The following SPRTN variants were observed in gnomAD, a reference collection of about 807,000 sequenced individuals.
SPRTN encodes the protein SprT-like N-terminal domain.
A neutral mutation model predicts 31.9 loss-of-function variants in SPRTN; 11 were observed. The ratio of observed to expected loss-of-function variants is 0.34; its 90% CI spans 0.22 to 0.57. The LOEUF is 0.57. Ranked by LOEUF, SPRTN falls within the 20% of genes least tolerant of loss-of-function variation. The pLI is 0.86. For synonymous variants in SPRTN, 185 were observed against 212.1 expected (o/e 0.87, Z 1.11); for missense variants, 482 against 590.1 (o/e 0.82, Z 1.90).
At chr1:231,339,599 C>T (rs1280910625) in intron 1 of SPRTN, 170 bp from the exon 2 acceptor site, 3 of 799,466 alleles carry the variant, frequency 3.8e-6, no homozygotes, top group Admixed American at 2.1e-5. Context: ...GAGGCGCCCG[C>T]GGGGGTTGTA....
rs569797385 is a variant in SPRTN, at chr1:231,338,692, C to T, written c.221+88C>T. The stretch of plus-strand genomic sequence containing the variant: ...CTGGTTTTCTCTCCTTTCTCTAGTC[C>T]GACGGTCCCAGGGGGCGTTAAATGA... On this transcript the variant is annotated intron_variant, in intron 1 of 4. Transcript: ENST00000295050. 7.0e-5 allele frequency: 106 copies of T among 1,511,280 alleles called. 1 individual carries two copies. The South Asian group carries it at 1.1e-3, about 15-fold the overall frequency. The allele number at this position is 1,511,280 out of a possible 1,614,324, so 93.6% of individuals were successfully genotyped here.
chr1:231,351,281 C>T (rs762868924), intron 3 of SPRTN, 23 bp from the exon 4 acceptor site: 4 of 1,421,688 alleles, frequency 2.8e-6, no homozygotes, highest in Non-Finnish European at 3.7e-6. Flanking sequence ...TTATTGAATA[C>T]TAAAAATTCT....
At position 231,353,212 on chromosome 1, in the gene SPRTN, G is replaced by A; in HGVS notation, c.1321G>A (p.Ala441Thr). The A allele has an allele frequency of 6.2e-7, 1 of 1,614,082 alleles. No homozygotes were observed. Among genetic ancestry groups the A allele is most frequent in the South Asian group, 1.1e-5 (1 of 91,066 alleles). The change falls in exon 5 of 5, where the codon GCT becomes ACT. Residue 441 changes from alanine (A) to threonine (T), a missense_variant. Around this residue, in one of 2 missense-constraint regions of SPRTN, gnomAD observed 325 missense variants for 350.2 expected, o/e 0.93. Transcript: ENST00000295050. Reference sequence around the variant, plus strand: ...TGATCCAAAGTATAGTACAACCACAGCTCAGAATTCCAGCAGTTCATCCAG... The same window carrying A: ...TGATCCAAAGTATAGTACAACCACAACTCAGAATTCCAGCAGTTCATCCAG... The part of the protein sequence containing the change: ...GNDPKYSTTT[A>T]QNSSSSSSQS...
intron 2 of SPRTN, among the ~76,000 whole-genome samples, chr1:231,342,474 A>G (rs914801478): frequency 1.3e-5 from 2 of 152,076 alleles, no homozygotes; most frequent in African/African-American, 2.4e-5. Context: ...CTTGTTGCCC[A>G]GGCTGGAGTG....
intron 2 of SPRTN, among the ~76,000 whole-genome samples, chr1:231,345,127 CTTTCTTTCTTTG>C (rs1687014688): frequency 6.6e-6 from 1 of 150,458 alleles, no homozygotes; most frequent in Non-Finnish European, 1.5e-5. Context: ...TCTTTTCTTT[CTTTCTTTCTTTG>C]TTTCTTTCTT....
chr1:231,342,165 C>T (rs555836470), intron 2 of SPRTN, among the ~76,000 whole-genome samples: 1 of 152,192 alleles, frequency 6.6e-6, no homozygotes, highest in Non-Finnish European at 1.5e-5. Context: ...AGTTGAACAG[C>T]ATGATTAACC....
chr1:231,347,409 G>A (rs1687091926), intron 2 of SPRTN, among the ~76,000 whole-genome samples: 1 of 152,046 alleles, frequency 6.6e-6, no homozygotes, highest in South Asian at 2.1e-4. Context: ...CCCCAGGCTG[G>A]AGTGCAGTGG....
intron 2 of SPRTN, 77 bp downstream of exon 2, chr1:231,339,945 G>T: frequency 7.2e-7 from 1 of 1,392,868 alleles, no homozygotes; most frequent in African/African-American, 1.4e-5. Flanking sequence ...CTGTGAATTC[G>T]CCTGTATGTA....
In SPRTN at chr1:231,338,485, G is replaced by C; in HGVS notation, c.102G>C (p.Ala34=). ...AGGAGTCCCTGTCGCTAGTGGACGC[G>C]TCGTGGGAGTTGGTGGACCCCACAC... is the stretch of plus-strand genomic sequence containing the variant. ...HAQESLSLVD[A]SWELVDPTPD... Residue 34 remains alanine, a synonymous_variant, in exon 1 of 5, where the codon GCG becomes GCC. Transcript: ENST00000295050. 6.2e-7 allele frequency: 1 copy of C among 1,614,264 alleles called. No homozygotes were observed.
chr1:231,351,857 C>T (rs147771162), intron 4 of SPRTN: 2 of 1,057,404 alleles, frequency 1.9e-6, no homozygotes, highest in African/African-American at 3.4e-5. Flanking sequence ...AAAATTCAAT[C>T]TCTGATAATA....
intron 2 of SPRTN, 78 bp from the exon 3 acceptor site, chr1:231,347,719 C>A: frequency 6.7e-7 from 1 of 1,489,352 alleles, no homozygotes; most frequent in Non-Finnish European, 9.0e-7. Flanking sequence ...AGGTTAGACA[C>A]CAGATAGAAT....
At chr1:231,340,047 T>TA (rs3071954) in intron 2 of SPRTN, 179 bp downstream of exon 2, 28,199 of 290,514 alleles carry the variant, frequency 0.097, 162 homozygotes, top group South Asian at 0.13. Flanking sequence ...TGCTTCATAG[T>TA]AAAAAAAAAA....
chr1:231,352,447 T>C (rs1401268961), intron 4 of SPRTN, 163 bp from the exon 5 acceptor site: 2 of 1,324,654 alleles, frequency 1.5e-6, no homozygotes, highest in Non-Finnish European at 1.9e-6. Flanking sequence ...ACTCCTGAAT[T>C]CTGAAGATTG....
intron 4 of SPRTN, chr1:231,351,980 G>A (rs547637972): frequency 2.9e-5 from 29 of 1,004,454 alleles, no homozygotes; most frequent in Middle Eastern, 1.0e-3. Flanking sequence ...CGGAATATAC[G>A]TCCTAACTAC....
At chr1:231,348,000 G>T in intron 3 of SPRTN, 75 bp downstream of exon 3, 1 of 1,547,138 alleles carries the variant, frequency 6.5e-7, no homozygotes. Flanking sequence ...ATTAAAAGTA[G>T]AGAACTAGGT....
At position 231,353,708 on chromosome 1, in the gene SPRTN, T is replaced by C; in HGVS notation, c.*347T>C. The C allele has an allele frequency of 1.0e-6, 1 of 993,228 alleles. No individual in the cohort carries two copies. Among genetic ancestry groups the C allele is most frequent in the South Asian group, 4.3e-5 (1 of 23,148 alleles). 61.5% of individuals were successfully genotyped at this position (993,228 alleles called of 1,614,324 possible). The stretch of plus-strand genomic sequence containing the variant: ...AAAAATATTCATATGGGGAATCCTG[T>C]CAGGTGTTTGGTTATATTGACTATT... On this transcript the variant is annotated 3_prime_UTR_variant, in exon 5 of 5. Coordinates refer to ENST00000295050, the MANE Select transcript of SPRTN (RefSeq NM_032018.7).
Position 231,351,360 on chromosome 1 carries a change from C to T in SPRTN, c.507C>T (p.Cys169=). ...AGTATCGGCGACACTGGTGGCGCTGCAATGGGCCGTGCCAGCACAGGCCAC... is the reference window on the plus strand; with the variant it reads ...AGTATCGGCGACACTGGTGGCGCTGTAATGGGCCGTGCCAGCACAGGCCAC... ...VDEYRRHWWR[C]NGPCQHRPPY... is the part of the protein sequence containing the mutation. Residue 169 remains cysteine, a synonymous_variant, in exon 4 of 5, where the codon TGC becomes TGT. Transcript: ENST00000295050. 5 of 1,614,060 alleles carry T rather than the reference C, an allele frequency of 3.1e-6. No individual in the cohort carries two copies. Among genetic ancestry groups the T allele is most frequent in the South Asian group, 1.1e-5 (1 of 91,080 alleles).
At chr1:231,339,584 C>T (rs577631011) in intron 1 of SPRTN, 185 bp from the exon 2 acceptor site, 21 of 758,032 alleles carry the variant, frequency 2.8e-5, no homozygotes, top group Non-Finnish European at 4.3e-5. Flanking sequence ...TCGGAGCCAT[C>T]GCGGGAGGCG....
chr1:231,341,095 A>G (rs556975506), intron 2 of SPRTN, among the ~76,000 whole-genome samples: 12 of 152,108 alleles, frequency 7.9e-5, no homozygotes, highest in African/African-American at 2.7e-4. Context: ...AGCTCAGATG[A>G]TAAAGAGAAA....
Sources: gnomAD v4.1 joint callset for allele counts (sites outside exome capture counted in the v4.1 genomes callset) on GRCh38, gnomAD v4.1.1 for gene constraint, gnomAD v4.1.1 regional missense constraint, MANE v1.5 for transcripts, NCBI Gene and HGNC (gene_info 2026-07-23, HGNC 2026-07-21) for gene names.